Variants in CCDC77 observed in about 807,000 individuals in gnomAD.
CCDC77 encodes coiled-coil domain containing 77.
In CCDC77, 56 loss-of-function variants were observed where a neutral mutation model predicts 66.8. That is an observed-to-expected ratio of 0.84 (90% CI 0.68 to 1.05). The LOEUF (loss-of-function observed/expected upper bound fraction) is 1.05. Among genes scored for constraint, CCDC77 ranks in the 50% least tolerant of loss-of-function variants. The probability of loss-of-function intolerance (pLI) is 0.00; values close to 1 mark genes in which losing one functional copy is unlikely to be tolerated. For synonymous variants in CCDC77, 196 were observed against 195.2 expected (o/e 1.00, Z -0.03); for missense variants, 570 against 576.8 (o/e 0.99, Z 0.12).
At chr12:410,732 G>C (rs945518710) in intron 3 of CCDC77, among the ~76,000 whole-genome samples, 1 of 151,532 alleles carries the variant, frequency 6.6e-6, no homozygotes, top group Non-Finnish European at 1.5e-5. Flanking sequence ...TTTTGGTAGA[G>C]ACTAGGTTTC....
intron 4 of CCDC77, among the ~76,000 whole-genome samples, chr12:413,163 C>T (rs1345874663): frequency 1.3e-5 from 2 of 151,630 alleles, no homozygotes; most frequent in African/African-American, 4.9e-5. Flanking sequence ...TGGTCTCAAT[C>T]TCCTGACCTC....
chr12:433,291 A>C lies in CCDC77; in HGVS notation c.790A>C (p.Asn264His). Reference protein sequence around the residue: ...LEEIQVQHQRNQNKIKELTKN... With the variant: ...LEEIQVQHQRHQNKIKELTKN... The stretch of plus-strand genomic sequence containing the variant: ...GGAAATACAAGTTCAGCACCAGAGA[A>C]ATCAGAACAAAATCAAAGAGCTAAC... Residue 264 changes from asparagine (N) to histidine (H), a missense_variant, in exon 9 of 13, where the codon AAT becomes CAT. By Grantham distance (68) the Asn-to-His change is moderately conservative. Transcript: ENST00000239830. The C allele has an allele frequency of 1.9e-6, 3 of 1,614,054 alleles. No individual in the cohort carries two copies. The highest frequency in any genetic ancestry group is 2.5e-6 in the Non-Finnish European group (3 of 1,180,000).
upstream of CCDC77, among the ~76,000 whole-genome samples, chr12:400,553 A>G (rs1944881978): frequency 6.6e-6 from 1 of 152,144 alleles, no homozygotes; most frequent in Non-Finnish European, 1.5e-5. Context: ...TCTAATTTCA[A>G]TATTGTTGTA....
intron 5 of CCDC77, among the ~76,000 whole-genome samples, chr12:423,482 T>TG (rs1565572203): frequency 5.9e-5 from 2 of 33,890 alleles, no homozygotes; most frequent in Admixed American, 2.9e-4. Context: ...TTTTTGTGTT[T>TG]TTTTTTGTTT....
chr12:432,074 T>C (rs1945662938), intron 8 of CCDC77, 120 bp downstream of exon 8: 1 of 595,440 alleles, frequency 1.7e-6, no homozygotes, highest in Non-Finnish European at 3.0e-6. Flanking sequence ...CTAAGCATCA[T>C]GTGGTTAAGA....
intron 7 of CCDC77, among the ~76,000 whole-genome samples, chr12:431,601 T>C (rs982546191): frequency 6.6e-6 from 1 of 152,160 alleles, no homozygotes; most frequent in South Asian, 2.1e-4. Context: ...AAGGAAAATT[T>C]AGTGGTTGAT....
intron 1 of CCDC77, among the ~76,000 whole-genome samples, chr12:394,716 G>C (rs1160450243): frequency 1.3e-5 from 2 of 152,182 alleles, no homozygotes; most frequent in Non-Finnish European, 2.9e-5. Flanking sequence ...ATGAATTGGA[G>C]AATGACTCTT....
intron 6 of CCDC77, among the ~76,000 whole-genome samples, chr12:429,990 A>T (rs891521166): frequency 6.6e-6 from 1 of 151,776 alleles, no homozygotes; most frequent in Non-Finnish European, 1.5e-5. Context: ...TTATTTATTT[A>T]TATTTATTTA....
At chr12:409,458 C>A in intron 3 of CCDC77, 37 bp downstream of exon 3, 1 of 1,580,612 alleles carries the variant, frequency 6.3e-7, no homozygotes. Flanking sequence ...GTTAAGAAAT[C>A]GAGACTTGTA....
chr12:433,248 C>T lies in CCDC77; in HGVS notation c.747C>T (p.Asp249=). 1 of 1,613,916 alleles carries T rather than the reference C, an allele frequency of 6.2e-7. No homozygotes were observed. Among genetic ancestry groups the T allele is most frequent in the Admixed American group, 1.7e-5 (1 of 59,970 alleles). ...AACAAATTGAAGGGCTCATCGAGGA[C>T]AGACGGATTCACCTTGAGGAAATAC... The part of the protein sequence containing the change: ...SREQIEGLIE[D]RRIHLEEIQV... Residue 249 remains aspartate (D), a synonymous_variant, in exon 9 of 13, where the codon GAC becomes GAT. Coordinates refer to ENST00000239830, the MANE Select transcript of CCDC77 (RefSeq NM_032358.4).
chr12:415,328 ATAATAT>A (rs1418529300), intron 4 of CCDC77, among the ~76,000 whole-genome samples: 2 of 90,486 alleles, frequency 2.2e-5, no homozygotes, highest in Admixed American at 1.5e-4. Flanking sequence ...TATAATCAAC[ATAATAT>A]TATGTTAATA....
chr12:433,054 A>G, intron 8 of CCDC77, 120 bp from the exon 9 acceptor site: 1 of 1,058,286 alleles, frequency 9.4e-7, no homozygotes. Context: ...GAGGATTAGG[A>G]TTGAGATGTT....
intron 5 of CCDC77, among the ~76,000 whole-genome samples, chr12:425,763 G>A (rs960753942): frequency 1.8e-4 from 28 of 152,158 alleles, no homozygotes; most frequent in African/African-American, 4.8e-4. Context: ...TGCACTTGCT[G>A]TTTCTTGTTC....
chr12:426,155 G>A (rs369995666), intron 5 of CCDC77, among the ~76,000 whole-genome samples: 2 of 152,268 alleles, frequency 1.3e-5, no homozygotes, highest in South Asian at 4.2e-4. Flanking sequence ...GAGCTACCGC[G>A]CCCAGCCCAG....
intron 2 of CCDC77, among the ~76,000 whole-genome samples, chr12:407,576 G>GGA (rs1945019413): frequency 1.3e-5 from 2 of 152,058 alleles, no homozygotes; most frequent in African/African-American, 4.8e-5. Context: ...TGAGACTTCA[G>GGA]GAGATCACCA....
At position 428,510 on chromosome 12, in the gene CCDC77, C is replaced by CAAAAAA. The variant is rs59414510; in HGVS notation, c.414-238_414-233dup. On this transcript the variant is annotated intron_variant, in intron 5 of 12. Transcript: ENST00000239830. Reference sequence around the variant, plus strand: ...TGGACAACAGAGCGAGACTCTGTCTCAAAAAAAAAAAAAAAAAAAAAAAAA... The same window carrying CAAAAAA: ...TGGACAACAGAGCGAGACTCTGTCTCAAAAAAAAAAAAAAAAAAAAAAAAAAAAAAA... Among the ~76,000 whole-genome samples, 60 of 57,878 alleles carry CAAAAAA rather than the reference C, an allele frequency of 1.0e-3. 2 individuals carry two copies. Among genetic ancestry groups the CAAAAAA allele is most frequent in the African/African-American group, 4.1e-3 (56 of 13,734 alleles). The allele number at this position is 57,878 out of a possible 152,430, so 38.0% of individuals were successfully genotyped here.
At chr12:434,074 C>T (rs138960615) in intron 9 of CCDC77, among the ~76,000 whole-genome samples, 3 of 152,118 alleles carry the variant, frequency 2.0e-5, no homozygotes, top group East Asian at 3.9e-4. Context: ...GTAAACTTTA[C>T]AGTTTACAAA....
At chr12:407,386 T>G (rs77936655) in intron 2 of CCDC77, among the ~76,000 whole-genome samples, 1 of 152,182 alleles carries the variant, frequency 6.6e-6, no homozygotes, top group Non-Finnish European at 1.5e-5. Flanking sequence ...AGCAGGTTTT[T>G]GTGGTGGGAG....
chr12:409,748 C>A (rs1945070276), intron 3 of CCDC77: 2 of 190,198 alleles, frequency 1.1e-5, no homozygotes, highest in East Asian at 2.5e-4. Flanking sequence ...GTAATCCCAG[C>A]ACTTTGGGAG....
Sources: gnomAD v4.1 joint callset for allele counts (sites outside exome capture counted in the v4.1 genomes callset) on GRCh38, gnomAD v4.1.1 for gene constraint, MANE v1.5 for transcripts, NCBI Gene and HGNC (gene_info 2026-07-23, HGNC 2026-07-21) for gene names.